ACVR1C: variants seen among roughly 807,000 people sequenced by gnomAD.
The protein encoded by ACVR1C is activin A receptor type 1C.
ACVR1C carries 23 observed loss-of-function variants against 57.9 expected under a neutral mutation model. The observed-to-expected ratio is 0.40, with a 90% CI of 0.29 to 0.56. ACVR1C has a LOEUF of 0.56. ACVR1C is among the 20% of genes least tolerant of loss of function. The pLI is 0.50. For synonymous variants in ACVR1C, 214 were observed against 215.3 expected (o/e 0.99, Z 0.05); for missense variants, 480 against 607.9 (o/e 0.79, Z 2.21).
Position 157,592,616 on chromosome 2 carries a change from C to G in ACVR1C, c.74-5199G>C, listed in dbSNP as rs147141447. 3.3e-3 allele frequency among the ~76,000 whole-genome samples: 501 copies of G among 152,134 alleles called. 1 individual carries two copies. The highest frequency in any genetic ancestry group is 0.011 in the African/African-American group (472 of 41,534). On this transcript the variant is annotated intron_variant, in intron 1 of 8. Transcript: ENST00000243349. ...GGACCTAAGATGAATAAGTAACATA[C>G]GACATACTCAGCCTCTCATATTTCA...
chr2:157,622,723 C>G (rs566602653), intron 1 of ACVR1C, among the ~76,000 whole-genome samples: 21 of 152,150 alleles, frequency 1.4e-4, no homozygotes, highest in Non-Finnish European at 2.5e-4. Context: ...AATAGCCCAC[C>G]AGCACAGATG....
intron 2 of ACVR1C, among the ~76,000 whole-genome samples, chr2:157,560,801 T>C (rs1688215887): frequency 6.6e-6 from 1 of 152,228 alleles, no homozygotes; most frequent in South Asian, 2.1e-4. Flanking sequence ...AAAATATCTT[T>C]CCTCTAAATT....
intron 2 of ACVR1C, among the ~76,000 whole-genome samples, chr2:157,562,114 G>A (rs191217537): frequency 1.2e-3 from 190 of 152,042 alleles, no homozygotes; most frequent in African/African-American, 4.1e-3. Flanking sequence ...GGCCAACATA[G>A]TGAAACCCTG....
chr2:157,610,744 CTTTGTT>C (rs1558996484), intron 1 of ACVR1C, among the ~76,000 whole-genome samples: 1 of 151,732 alleles, frequency 6.6e-6, no homozygotes, highest in Non-Finnish European at 1.5e-5. Context: ...ATTATTTTAT[CTTTGTT>C]TTTGTCTGAC....
chr2:157,537,644 A>C (rs1687521563), intron 8 of ACVR1C, among the ~76,000 whole-genome samples: 1 of 152,212 alleles, frequency 6.6e-6, no homozygotes, highest in African/African-American at 2.4e-5. Context: ...AAGCCAGACT[A>C]AAAGACATCA....
chr2:157,566,893 A>G (rs949491353), intron 2 of ACVR1C, among the ~76,000 whole-genome samples: 5 of 151,334 alleles, frequency 3.3e-5, no homozygotes, highest in Non-Finnish European at 5.9e-5. Flanking sequence ...CTGCCTCTGT[A>G]GGCTCCACCT....
rs1177438026 is a variant in ACVR1C, at chr2:157,528,379, A to G, written c.*5539T>C. ...AAAACTGTTAGGTCTGGAGAGAAAA[A>G]TTTCTTTTAGGACAACTTGGACCAA... On this transcript the variant is annotated 3_prime_UTR_variant, in exon 9 of 9. Transcript: ENST00000243349. The G allele has an allele frequency of 2.0e-5, 3 of 152,180 alleles. No individual in the cohort carries two copies. Among genetic ancestry groups the G allele is most frequent in the Non-Finnish European group, 4.4e-5 (3 of 68,032 alleles). The allele number at this position is 152,180 out of a possible 1,614,324, so 9.4% of individuals were successfully genotyped here. A position where few individuals can be genotyped will look rare whatever the true frequency, so the allele number is the denominator to read the frequency against.
Position 157,529,108 on chromosome 2 carries a change from G to A in ACVR1C, c.*4810C>T, listed in dbSNP as rs1239489657. On this transcript the variant is annotated 3_prime_UTR_variant, in exon 9 of 9. Transcript: ENST00000243349. ...GAGAAAAGTTAGATAATATCCCACT[G>A]GACATAGTCCCAAATTCAGCTATCA... The A allele has an allele frequency of 6.6e-6, 1 of 152,036 alleles. No homozygotes were observed. Among genetic ancestry groups the A allele is most frequent in the Non-Finnish European group, 1.5e-5 (1 of 67,968 alleles). 9.4% of individuals were successfully genotyped at this position (152,036 alleles called of 1,614,324 possible).
chr2:157,621,004 C>T (rs553228745), intron 1 of ACVR1C, among the ~76,000 whole-genome samples: 4 of 151,986 alleles, frequency 2.6e-5, no homozygotes, highest in Non-Finnish European at 5.9e-5. Context: ...ATGGGAGCAT[C>T]CTAATGATTT....
chr2:157,565,566 A>G (rs1010265244), intron 2 of ACVR1C, among the ~76,000 whole-genome samples: 3 of 152,204 alleles, frequency 2.0e-5, no homozygotes, highest in Non-Finnish European at 4.4e-5. Flanking sequence ...TTATATACTG[A>G]ATAAGGACAG....
intron 1 of ACVR1C, among the ~76,000 whole-genome samples, chr2:157,622,746 A>G (rs1029251573): frequency 1.3e-5 from 2 of 152,210 alleles, no homozygotes; most frequent in African/African-American, 4.8e-5. Flanking sequence ...CAAAGCAAAC[A>G]TGGACAAATG....
intron 1 of ACVR1C, among the ~76,000 whole-genome samples, chr2:157,608,645 A>T (rs750581832): frequency 6.6e-6 from 1 of 151,792 alleles, no homozygotes; most frequent in Non-Finnish European, 1.5e-5. Context: ...TTTTCATTAC[A>T]ACTCAATCTC....
chr2:157,551,891 G>A (rs1687933133), intron 3 of ACVR1C, among the ~76,000 whole-genome samples: 2 of 152,152 alleles, frequency 1.3e-5, no homozygotes, highest in African/African-American at 4.8e-5. Flanking sequence ...CTACAAATCT[G>A]CTGTTACGGA....
At chr2:157,580,850 G>T (rs533184394) in intron 2 of ACVR1C, among the ~76,000 whole-genome samples, 28 of 152,040 alleles carry the variant, frequency 1.8e-4, no homozygotes, top group Admixed American at 8.5e-4. Context: ...AGACAACTAA[G>T]AATGGCACTG....
chr2:157,535,906 T>C (rs1179990275), intron 8 of ACVR1C, among the ~76,000 whole-genome samples: 1 of 152,204 alleles, frequency 6.6e-6, no homozygotes, highest in Non-Finnish European at 1.5e-5. Flanking sequence ...CTCCTCATTA[T>C]CCTCTAAGTT....
chr2:157,609,057 G>C (rs1682470655), intron 1 of ACVR1C, among the ~76,000 whole-genome samples: 1 of 151,450 alleles, frequency 6.6e-6, no homozygotes, highest in Non-Finnish European at 1.5e-5. Context: ...GAGGTGCCTT[G>C]TTAGGTTATT....
intron 3 of ACVR1C, among the ~76,000 whole-genome samples, chr2:157,554,483 T>C (rs1232444494): frequency 6.6e-6 from 1 of 152,278 alleles, no homozygotes; most frequent in East Asian, 1.9e-4. Flanking sequence ...ATTTAAATTC[T>C]GGTTTTTAAA....
At chr2:157,620,490 T>C (rs1043356266) in intron 1 of ACVR1C, among the ~76,000 whole-genome samples, 1 of 152,110 alleles carries the variant, frequency 6.6e-6, no homozygotes, top group African/African-American at 2.4e-5. Context: ...TTTAATATAT[T>C]TTGGCTCTGT....
intron 1 of ACVR1C, among the ~76,000 whole-genome samples, chr2:157,613,579 A>G (rs1035504102): frequency 1.6e-4 from 24 of 152,264 alleles, no homozygotes; most frequent in African/African-American, 4.8e-4. Context: ...ACTGTGTTTT[A>G]TAGGTGAGTG....
Sources: allele counts gnomAD v4.1 joint callset (sites outside exome capture counted in the v4.1 genomes callset), GRCh38; gene constraint gnomAD v4.1.1; transcripts MANE v1.5; gene names NCBI Gene and HGNC (gene_info 2026-07-23, HGNC 2026-07-21).